The following BBS4 variants were observed in gnomAD, a reference collection of about 807,000 sequenced individuals.
BBS4 encodes Bardet-Biedl syndrome 4.
Under a neutral mutation model 71.4 loss-of-function variants are expected in BBS4, and 58 were observed. That is an observed-to-expected ratio of 0.81 (90% confidence interval 0.66 to 1.01). The LOEUF (loss-of-function observed/expected upper bound fraction) is 1.01, where lower values mean the gene tolerates loss of function less well. Ranked by LOEUF, BBS4 falls within the 50% of genes least tolerant of loss-of-function variation. The probability of loss-of-function intolerance (pLI) is 0.00; values close to 1 mark genes in which losing one functional copy is unlikely to be tolerated. For synonymous variants in BBS4, 228 were observed against 216.8 expected (o/e 1.05, Z -0.46); for missense variants, 660 against 607.9 (o/e 1.09, Z -0.90).
chr15:72,729,823 CTCT>C lies in BBS4; in HGVS notation c.711+144_711+146del, dbSNP rs1454220481. 30 of 717,630 alleles carry C rather than the reference CTCT, an allele frequency of 4.2e-5. 1 individual carries two copies. The highest frequency in any genetic ancestry group is 3.0e-4 in the South Asian group (18 of 60,282). The allele number at this position is 717,630 out of a possible 1,614,324, so 44.5% of individuals were successfully genotyped here. A position where few individuals can be genotyped will look rare whatever the true frequency, so the allele number is the denominator to read the frequency against. ...TAGAAAAAATATAAATAAAAGGTGG[CTCT>C]TCTTATTTGAAAATAGTGTCAAGTA... On this transcript the variant is annotated intron_variant, in intron 10 of 15. Transcript: ENST00000268057.
At position 72,716,661 on chromosome 15, in the gene BBS4, T is replaced by C. The variant is rs904621170; in HGVS notation, c.333-117T>C. The C allele has an allele frequency of 4.1e-5, 33 of 805,070 alleles. No individual in the cohort carries two copies. The Admixed American group carries it at 7.3e-4, about 18-fold the overall frequency. 49.9% of individuals were successfully genotyped at this position (805,070 alleles called of 1,614,324 possible). ...TGACCAAACCAGCACAACCACCTCA[T>C]AGAGAAAAGGCTTCTAGAATTCTCT... is the stretch of plus-strand genomic sequence containing the variant. On this transcript the variant is annotated intron_variant, in intron 5 of 15. Transcript: ENST00000268057.
At chr15:72,698,616 T>A (rs189177071) in intron 2 of BBS4, among the ~76,000 whole-genome samples, 2 of 152,364 alleles carry the variant, frequency 1.3e-5, no homozygotes. Flanking sequence ...TATCACATTT[T>A]GTTTATCTGT....
chr15:72,711,406 C>T (rs1319142806), intron 3 of BBS4, among the ~76,000 whole-genome samples: 3 of 152,138 alleles, frequency 2.0e-5, no homozygotes, highest in African/African-American at 7.2e-5. Context: ...GCTTCGGCCA[C>T]CCAAAGTGCT....
chr15:72,733,673 T>A (rs560923896), intron 12 of BBS4, among the ~76,000 whole-genome samples: 1 of 152,238 alleles, frequency 6.6e-6, no homozygotes, highest in Non-Finnish European at 1.5e-5. Flanking sequence ...CAGTCTACCA[T>A]TGATGGGCAT....
At chr15:72,736,109 T>G (rs2065918577) in intron 14 of BBS4, 143 bp downstream of exon 14, 2 of 924,044 alleles carry the variant, frequency 2.2e-6, no homozygotes, top group Non-Finnish European at 3.3e-6. Context: ...AGTTCATCAA[T>G]TAATAACAGC....
chr15:72,726,438 G>A (rs1048391154), intron 8 of BBS4, among the ~76,000 whole-genome samples: 1 of 152,124 alleles, frequency 6.6e-6, no homozygotes, highest in Admixed American at 6.5e-5. Context: ...AAATGGGATA[G>A]CTGTAGCAAA....
At chr15:72,693,471 A>T (rs966685254) in intron 1 of BBS4, among the ~76,000 whole-genome samples, 6 of 152,188 alleles carry the variant, frequency 3.9e-5, no homozygotes, top group Non-Finnish European at 5.9e-5. Context: ...AAAGGGCCAG[A>T]TAGTAAATAT....
chr15:72,735,148 A>G lies in BBS4; in HGVS notation c.1072A>G (p.Lys358Glu), dbSNP rs560253658. The G allele has an allele frequency of 1.9e-6, 3 of 1,613,816 alleles. No homozygotes were observed. Among genetic ancestry groups the G allele is most frequent in the South Asian group, 1.1e-5 (1 of 91,074 alleles). Residue 358 changes from lysine to glutamate, a missense_variant, in exon 13 of 16, where the codon AAG becomes GAG. Coordinates refer to ENST00000268057, the MANE Select transcript of BBS4 (RefSeq NM_033028.5). ...LTNLEDIENA[K>E]RAYAEAVHLD... ...CAATCTGGAAGATATAGAAAATGCC[A>G]AGAGAGCCTACGCAGAAGCAGTCCA...
chr15:72,726,067 C>A (rs1184141366), intron 8 of BBS4, among the ~76,000 whole-genome samples: 1 of 144,870 alleles, frequency 6.9e-6, no homozygotes, highest in East Asian at 2.0e-4. Context: ...CTCCCATTCC[C>A]ATCTTTCTTT....
intron 6 of BBS4, among the ~76,000 whole-genome samples, chr15:72,722,339 A>G (rs886409279): frequency 3.3e-5 from 5 of 152,238 alleles, no homozygotes; most frequent in African/African-American, 1.2e-4. Context: ...CTCTCTTCCA[A>G]TTCCAGATTC....
chr15:72,730,374 A>C (rs2065791057), intron 10 of BBS4, among the ~76,000 whole-genome samples: 1 of 152,094 alleles, frequency 6.6e-6, no homozygotes. Context: ...AGGCAGGAGG[A>C]TCACTTGAGG....
At chr15:72,700,445 C>A (rs2065150854) in intron 2 of BBS4, among the ~76,000 whole-genome samples, 1 of 152,182 alleles carries the variant, frequency 6.6e-6, no homozygotes, top group East Asian at 1.9e-4. Flanking sequence ...ACATTCTTGC[C>A]AACATTTGTT....
At chr15:72,720,439 A>G (rs1025799579) in intron 6 of BBS4, among the ~76,000 whole-genome samples, 8 of 148,052 alleles carry the variant, frequency 5.4e-5, no homozygotes, top group African/African-American at 2.0e-4. Flanking sequence ...GTGAACTGTG[A>G]TTGTGTCACT....
Position 72,736,656 on chromosome 15 carries a change from C to A in BBS4, c.1249-106C>A, listed in dbSNP as rs1015410875. 2.9e-6 allele frequency: 3 copies of A among 1,051,774 alleles called. No individual in the cohort carries two copies. In the African/African-American group the frequency reaches 4.7e-5, roughly 17 times the overall value. The allele number at this position is 1,051,774 out of a possible 1,614,324, so 65.2% of individuals were successfully genotyped here. On this transcript the variant is annotated intron_variant, in intron 14 of 15. Coordinates refer to ENST00000268057, the MANE Select transcript of BBS4 (RefSeq NM_033028.5). ...CTTCCTGCCTCAACTGCTAGTACGA[C>A]CAGACACTATTTCAGCTAAAACCCC...
At position 72,728,001 on chromosome 15, in the gene BBS4, A is replaced by T; in HGVS notation, c.642+7A>T. The T allele has an allele frequency of 6.2e-7, 1 of 1,605,836 alleles. No individual in the cohort carries two copies. Among genetic ancestry groups the T allele is most frequent in the East Asian group, 2.2e-5 (1 of 44,822 alleles). ...AGGATTACTCTACTTACAGGTAATG[A>T]AAACTCTGTACTCATTCATGCACTG... On this transcript the variant is annotated splice_region_variant and intron_variant, in intron 9 of 15. Coordinates refer to ENST00000268057, the MANE Select transcript of BBS4 (RefSeq NM_033028.5).
chr15:72,693,770 A>G (rs902029063), intron 1 of BBS4, among the ~76,000 whole-genome samples: 3 of 152,064 alleles, frequency 2.0e-5, no homozygotes, highest in Non-Finnish European at 4.4e-5. Context: ...ATTAACATTC[A>G]TTTTACTTAG....
At chr15:72,701,601 A>G (rs1402282136) in intron 2 of BBS4, among the ~76,000 whole-genome samples, 1 of 152,178 alleles carries the variant, frequency 6.6e-6, no homozygotes, top group African/African-American at 2.4e-5. Flanking sequence ...ACTTGCTCAT[A>G]TGCTTATATG....
At chr15:72,707,846 A>C (rs1051902944) in intron 2 of BBS4, among the ~76,000 whole-genome samples, 3 of 152,240 alleles carry the variant, frequency 2.0e-5, no homozygotes, top group African/African-American at 7.2e-5. Flanking sequence ...CAATGACTCA[A>C]CTAGATTTTT....
rs546437856 is a variant in BBS4 at position 72,727,088 on chromosome 15, G to A, written c.588-852G>A. 7.9e-5 allele frequency among the ~76,000 whole-genome samples: 12 copies of A among 152,304 alleles called. No homozygotes were observed. In the South Asian group the frequency reaches 8.3e-4, roughly 11 times the overall value. On this transcript the variant is annotated intron_variant, in intron 8 of 15. Coordinates refer to ENST00000268057, the MANE Select transcript of BBS4 (RefSeq NM_033028.5). ...TTTATTATGGCAGAAAGTGAAAGGC[G>A]GATTCCCAGTTGAATTGAGAAAGCT...
Sources: allele counts gnomAD v4.1 joint callset (sites outside exome capture counted in the v4.1 genomes callset), GRCh38; gene constraint gnomAD v4.1.1; transcripts MANE v1.5; gene names NCBI Gene and HGNC (gene_info 2026-07-23, HGNC 2026-07-21).